Variants in USP48 observed in about 807,000 individuals in gnomAD.
USP48 encodes ubiquitin carboxyl-terminal hydrolase 48.
USP48 carries 43 observed loss-of-function variants against 150.7 expected under a neutral mutation model. That is an observed-to-expected ratio of 0.29 (90% CI 0.22 to 0.37). USP48 has a LOEUF of 0.37. Among genes scored for constraint, USP48 ranks in the 10% least tolerant of loss-of-function variants. The probability of loss-of-function intolerance (pLI) is 1.00; values close to 1 mark genes in which losing one functional copy is unlikely to be tolerated. For synonymous variants in USP48, 396 were observed against 425.9 expected (o/e 0.93, Z 0.86); for missense variants, 813 against 1,249.6 (o/e 0.65, Z 5.27).
At chr1:21,758,681 C>T (rs893980030) in intron 1 of USP48, among the ~76,000 whole-genome samples, 27 of 151,766 alleles carry the variant, frequency 1.8e-4, no homozygotes, top group African/African-American at 1.9e-4. Flanking sequence ...ACCCAGGACA[C>T]GGAGGTTGCA....
intron 26 of USP48, 141 bp downstream of exon 26, chr1:21,680,660 GAGTAAGA>G: frequency 1.3e-6 from 1 of 753,880 alleles, no homozygotes; most frequent in Non-Finnish European, 2.1e-6. Flanking sequence ...GAAGAAGCTT[GAGTAAGA>G]AATGCATTTA....
At chr1:21,684,487 TCTA>T (rs1315148506) in intron 25 of USP48, among the ~76,000 whole-genome samples, 1 of 152,224 alleles carries the variant, frequency 6.6e-6, no homozygotes, top group Non-Finnish European at 1.5e-5. Flanking sequence ...TTTCTCCCAT[TCTA>T]CAGGTTGTCT....
At position 21,748,374 on chromosome 1, in the gene USP48, CACTT is replaced by C. The variant is rs2097800680; in HGVS notation, c.775-107_775-104del. The C allele has an allele frequency of 1.2e-5, 13 of 1,099,634 alleles. No homozygotes were observed. The South Asian group carries it at 2.1e-4, about 18-fold the overall frequency. The allele number at this position is 1,099,634 out of a possible 1,614,324, so 68.1% of individuals were successfully genotyped here. On this transcript the variant is annotated intron_variant, in intron 6 of 26. Coordinates refer to ENST00000308271, the MANE Select transcript of USP48 (RefSeq NM_032236.8). ...TAATTTCATTTCAGTTAATAGCTCT[CACTT>C]AAGCTACTTAAAAACAGCTACTATA...
At chr1:21,688,610 G>A (rs2097585974) in intron 24 of USP48, among the ~76,000 whole-genome samples, 1 of 151,434 alleles carries the variant, frequency 6.6e-6, no homozygotes, top group Non-Finnish European at 1.5e-5. Flanking sequence ...TGGGAGGTGA[G>A]GCGGGCAGAT....
At chr1:21,720,848 G>GA (rs1033795371) in intron 14 of USP48, among the ~76,000 whole-genome samples, 188 bp downstream of exon 14, 15 of 152,044 alleles carry the variant, frequency 9.9e-5, no homozygotes, top group African/African-American at 3.6e-4. Flanking sequence ...GTTTTTTAGG[G>GA]AAACAGGGTC....
chr1:21,766,225 T>C (rs2152629812), intron 1 of USP48, among the ~76,000 whole-genome samples: 1 of 151,944 alleles, frequency 6.6e-6, no homozygotes, highest in East Asian at 1.9e-4. Flanking sequence ...ATATAAAAAT[T>C]AGCTGGGTTT....
At chr1:21,701,633 G>C (rs369504234) in intron 21 of USP48, 31 bp from the exon 22 acceptor site, 1 of 1,600,806 alleles carries the variant, frequency 6.2e-7, no homozygotes, top group African/African-American at 1.3e-5. Context: ...AAGAGAAGTA[G>C]GTCAGACCCT....
intron 17 of USP48, 73 bp downstream of exon 17, chr1:21,706,394 A>G: frequency 6.2e-7 from 1 of 1,602,136 alleles, no homozygotes. Context: ...TTGTTCTGAA[A>G]TAGCTCACTG....
At chr1:21,706,667 TAC>T (rs1379909053) in intron 16 of USP48, 75 bp downstream of exon 16, 4 of 1,611,750 alleles carry the variant, frequency 2.5e-6, no homozygotes, top group East Asian at 2.2e-5. Context: ...CCGTCAGAAG[TAC>T]AGTGTTAATT....
At chr1:21,680,004 T>C (rs931877450) in intron 26 of USP48, among the ~76,000 whole-genome samples, 1 of 152,158 alleles carries the variant, frequency 6.6e-6, no homozygotes, top group African/African-American at 2.4e-5. Context: ...AATGACCATT[T>C]TTCATAAAGA....
chr1:21,709,192 A>G (rs2097683518), intron 15 of USP48, among the ~76,000 whole-genome samples: 2 of 152,054 alleles, frequency 1.3e-5, no homozygotes, highest in Non-Finnish European at 2.9e-5. Flanking sequence ...GGTCCCTATA[A>G]TTTATAATAC....
At chr1:21,744,538 G>A (rs1308365001) in intron 8 of USP48, among the ~76,000 whole-genome samples, 1 of 151,714 alleles carries the variant, frequency 6.6e-6, no homozygotes, top group Non-Finnish European at 1.5e-5. Flanking sequence ...CACTTTGGGA[G>A]GACAAGGCGG....
At chr1:21,704,837 G>T (rs1330234168) in intron 19 of USP48, among the ~76,000 whole-genome samples, 1 of 152,114 alleles carries the variant, frequency 6.6e-6, no homozygotes, top group Non-Finnish European at 1.5e-5. Context: ...GATAAGCACT[G>T]TGGGGCCTTT....
In USP48 at chr1:21,695,077, A is replaced by G; in HGVS notation, c.2872T>C (p.Leu958=). The G allele has an allele frequency of 6.2e-7, 1 of 1,609,386 alleles. No individual in the cohort carries two copies. Among genetic ancestry groups the G allele is most frequent in the Non-Finnish European group, 8.5e-7 (1 of 1,178,508 alleles). ...LVSANQTLKE[L]KIQIMHAFSV... Reference sequence around the variant, plus strand: ...AATGTTTCCCTCACCTGAATTTTCAATTCTTTTAACGTCTGATTAGCAGAA... The same window carrying G: ...AATGTTTCCCTCACCTGAATTTTCAGTTCTTTTAACGTCTGATTAGCAGAA... The change falls in exon 23 of 27, where the codon TTG becomes CTG. Residue 958 remains leucine, a synonymous_variant. Transcript: ENST00000308271.
chr1:21,739,949 T>C (rs2097777512), intron 8 of USP48, among the ~76,000 whole-genome samples: 1 of 151,294 alleles, frequency 6.6e-6, no homozygotes, highest in Admixed American at 6.6e-5. Context: ...TTTGGTCTTG[T>C]TGCCCAGGCT....
chr1:21,734,511 G>A (rs1171526950), intron 9 of USP48, among the ~76,000 whole-genome samples: 1 of 152,186 alleles, frequency 6.6e-6, no homozygotes, highest in African/African-American at 2.4e-5. Flanking sequence ...TGATGCATAT[G>A]CCTCGAAAGC....
At chr1:21,759,547 T>C (rs755249707) in intron 1 of USP48, among the ~76,000 whole-genome samples, 8 of 152,104 alleles carry the variant, frequency 5.3e-5, no homozygotes, top group Non-Finnish European at 8.8e-5. Flanking sequence ...GGCAGTGAAA[T>C]TAGAAAACGA....
At chr1:21,697,259 G>A (rs2097637126) in intron 22 of USP48, among the ~76,000 whole-genome samples, 1 of 151,744 alleles carries the variant, frequency 6.6e-6, no homozygotes, top group Non-Finnish European at 1.5e-5. Context: ...ATCTACATAG[G>A]CAACTGAGTG....
Position 21,703,627 on chromosome 1 carries a change from G to GAAA in USP48, c.2516-12_2516-10dup, listed in dbSNP as rs370210128. 4.7e-6 allele frequency: 6 copies of GAAA among 1,276,106 alleles called. No individual in the cohort carries two copies. Among genetic ancestry groups the GAAA allele is most frequent in the Middle Eastern group, 2.1e-4 (1 of 4,796 alleles). 79.0% of individuals were successfully genotyped at this position (1,276,106 alleles called of 1,614,324 possible). A position where few individuals can be genotyped will look rare whatever the true frequency, so the allele number is the denominator to read the frequency against. The stretch of plus-strand genomic sequence containing the variant: ...GCATTCTGGACAGAGTTCTTTGGGG[G>GAAA]AAAAAAAAAAAGGGAAAACAGAAGT... On this transcript the variant is annotated splice_polypyrimidine_tract_variant and intron_variant, in intron 20 of 26. Transcript: ENST00000308271.
Sources: gnomAD v4.1 joint callset for allele counts (sites outside exome capture counted in the v4.1 genomes callset) on GRCh38, gnomAD v4.1.1 for gene constraint, MANE v1.5 for transcripts, NCBI Gene and HGNC (gene_info 2026-07-23, HGNC 2026-07-21) for gene names.